ITCH: variants seen among roughly 807,000 people sequenced by gnomAD.
ITCH encodes E3 ubiquitin-protein ligase Itchy homolog.
In ITCH, 28 loss-of-function variants were observed where a neutral mutation model predicts 126.8. The observed-to-expected ratio is 0.22, with a 90% CI of 0.16 to 0.30. ITCH has a LOEUF of 0.30. ITCH is among the 10% of genes least tolerant of loss of function. The probability of loss-of-function intolerance (pLI) is 1.00; values close to 1 mark genes in which losing one functional copy is unlikely to be tolerated. For missense variants in ITCH, 631 were observed against 1,032.4 expected (o/e 0.61, Z 5.33); for synonymous variants, 342 against 340.0 (o/e 1.01, Z -0.06).
intron 23 of ITCH, among the ~76,000 whole-genome samples, chr20:34,502,174 C>T (rs1373328887): frequency 6.6e-6 from 1 of 152,146 alleles, no homozygotes; most frequent in East Asian, 1.9e-4. Context: ...AGAATCCTTT[C>T]TGTTACATAC....
intron 17 of ITCH, among the ~76,000 whole-genome samples, chr20:34,479,071 C>T (rs982371772): frequency 6.6e-6 from 1 of 152,110 alleles, no homozygotes; most frequent in Non-Finnish European, 1.5e-5. Context: ...CTTAGAGTCT[C>T]AGCATTTTTC....
At chr20:34,458,220 G>A (rs1986201435) in intron 13 of ITCH, among the ~76,000 whole-genome samples, 2 of 152,132 alleles carry the variant, frequency 1.3e-5, no homozygotes, top group Admixed American at 6.6e-5. Context: ...ATGCCTAGGA[G>A]TTTGCCATCA....
Position 34,492,339 on chromosome 20 carries a change from A to G in ITCH, c.2320-162A>G, listed in dbSNP as rs112854810. On this transcript the variant is annotated intron_variant, in intron 22 of 24. Transcript: ENST00000374864. The stretch of plus-strand genomic sequence containing the variant: ...TGCTGCCCAGGAGTTAGAGGCTGCA[A>G]TCAGCTATGATTGCATCACTGCACC... Among the ~76,000 whole-genome samples, 670 of 152,306 alleles carry G rather than the reference A, an allele frequency of 4.4e-3. 4 individuals are homozygous for G. Among genetic ancestry groups the G allele is most frequent in the African/African-American group, 0.015 (611 of 41,562 alleles).
At chr20:34,474,270 G>T (rs972978221) in intron 16 of ITCH, among the ~76,000 whole-genome samples, 1 of 152,134 alleles carries the variant, frequency 6.6e-6, no homozygotes, top group Admixed American at 6.5e-5. Flanking sequence ...ATAAACAAGT[G>T]AACAAAGGTC....
intron 3 of ITCH, among the ~76,000 whole-genome samples, chr20:34,398,605 G>C (rs1432329649): frequency 6.6e-6 from 1 of 151,074 alleles, no homozygotes; most frequent in Non-Finnish European, 1.5e-5. Flanking sequence ...CACCATGTTG[G>C]TCAGGCTGGT....
At position 34,509,949 on chromosome 20, in the gene ITCH, T is replaced by C. The variant is rs752661147; in HGVS notation, c.*2155T>C. The C allele has an allele frequency of 3.9e-4, 60 of 152,774 alleles. 1 individual carries two copies. The highest frequency in any genetic ancestry group is 7.8e-4 in the Non-Finnish European group (53 of 68,028). 9.5% of individuals were successfully genotyped at this position (152,774 alleles called of 1,614,324 possible). Reference sequence around the variant, plus strand: ...TCTATATAATGCTTCATGATTCATTTAGGGACCTAGAAATATTGTGTGAAA... The same window carrying C: ...TCTATATAATGCTTCATGATTCATTCAGGGACCTAGAAATATTGTGTGAAA... On this transcript the variant is annotated 3_prime_UTR_variant, in exon 25 of 25. Transcript: ENST00000374864.
intron 3 of ITCH, among the ~76,000 whole-genome samples, chr20:34,399,497 C>T (rs1166297393): frequency 1.3e-5 from 2 of 151,730 alleles, no homozygotes; most frequent in East Asian, 1.9e-4. Context: ...ACTAGAGTCA[C>T]TGGGAAAGAA....
chr20:34,493,243 A>G (rs1989640202), intron 23 of ITCH, among the ~76,000 whole-genome samples: 1 of 152,230 alleles, frequency 6.6e-6, no homozygotes, highest in South Asian at 2.1e-4. Flanking sequence ...ACTGAAGCAG[A>G]GAGTCAAAAT....
At chr20:34,433,656 C>CAAAAAAAAAAA (rs1158804192) in intron 7 of ITCH, among the ~76,000 whole-genome samples, 1 of 115,428 alleles carries the variant, frequency 8.7e-6, no homozygotes, top group Non-Finnish European at 1.8e-5. Context: ...AACAATGTCT[C>CAAAAAAAAAAA]AAAAAAAAAA....
chr20:34,467,708 G>A (rs1460429949), intron 14 of ITCH, among the ~76,000 whole-genome samples: 4 of 130,694 alleles, frequency 3.1e-5, no homozygotes, highest in African/African-American at 1.2e-4. Context: ...TTTTTGAGAC[G>A]GAGTTTCACT....
intron 3 of ITCH, among the ~76,000 whole-genome samples, chr20:34,394,988 T>G (rs2038622805): frequency 6.6e-6 from 1 of 151,808 alleles, no homozygotes; most frequent in South Asian, 2.1e-4. Flanking sequence ...TCCTAGCACT[T>G]TGGGAGGTCG....
chr20:34,424,480 G>T lies in ITCH; in HGVS notation c.476G>T (p.Ser159Ile). 1 of 1,612,596 alleles carries T rather than the reference G, an allele frequency of 6.2e-7. No homozygotes were observed. Residue 159 changes from serine (S) to isoleucine (I), a missense_variant and splice_region_variant, in exon 7 of 25, where the codon AGT (serine) becomes ATT (isoleucine). Physicochemically the swap from Ser to Ile is moderately radical, Grantham distance 142. Around this residue, in one of 4 missense-constraint regions of ITCH, gnomAD observed 220 missense variants for 265.7 expected, o/e 0.83. Transcript: ENST00000374864. ...TTCTGTTTAAACTTTGATGTTAAAG[G>T]TGCTTCTCAGAATGATGATGGCTCC... The part of the protein sequence containing the change: ...VTNGETTCSE[S>I]ASQNDDGSRS...
chr20:34,365,155 G>A (rs1056474098), intron 1 of ITCH, among the ~76,000 whole-genome samples: 16 of 151,744 alleles, frequency 1.1e-4, no homozygotes, highest in African/African-American at 3.9e-4. Flanking sequence ...AGCTGTTACC[G>A]TTGCCACTGC....
chr20:34,370,044 C>T (rs916075780), intron 2 of ITCH, among the ~76,000 whole-genome samples: 4 of 148,408 alleles, frequency 2.7e-5, no homozygotes, highest in Admixed American at 1.4e-4. Flanking sequence ...GTTGAGGCTG[C>T]AGTAAGCCAT....
At position 34,387,907 on chromosome 20, in the gene ITCH, G is replaced by T. The variant is rs553561822; in HGVS notation, c.-21-5884G>T. ...TTTAGTGGAGATAGGGTTTCACCATGTTGGACAGGATGGTCTTAATCTCTT... is the reference window on the plus strand; with the variant it reads ...TTTAGTGGAGATAGGGTTTCACCATTTTGGACAGGATGGTCTTAATCTCTT... On this transcript the variant is annotated intron_variant, in intron 2 of 24. Coordinates refer to ENST00000374864, the MANE Select transcript of ITCH (RefSeq NM_031483.7). Among the ~76,000 whole-genome samples the T allele has an allele frequency of 1.2e-4, 18 of 152,072 alleles. No homozygotes were observed. In the South Asian group the frequency reaches 3.5e-3, roughly 30 times the overall value.
chr20:34,485,050 T>C (rs866789572), intron 20 of ITCH, among the ~76,000 whole-genome samples: 34 of 152,384 alleles, frequency 2.2e-4, no homozygotes, highest in Middle Eastern at 6.8e-3. Context: ...TGTACTCTTA[T>C]ATCTAGCTTT....
intron 20 of ITCH, among the ~76,000 whole-genome samples, chr20:34,488,842 A>G (rs1024089654): frequency 1.3e-5 from 2 of 152,196 alleles, no homozygotes; most frequent in African/African-American, 2.4e-5. Context: ...ATTTAAAACC[A>G]GCCTTGGCAT....
At chr20:34,447,487 A>G (rs1984608263) in intron 11 of ITCH, among the ~76,000 whole-genome samples, 1 of 152,152 alleles carries the variant, frequency 6.6e-6, no homozygotes, top group African/African-American at 2.4e-5. Flanking sequence ...GCATACAGAA[A>G]CTGTCATACA....
At chr20:34,499,228 A>C (rs6059877) in intron 23 of ITCH, among the ~76,000 whole-genome samples, 106,126 of 141,454 alleles carry the variant, frequency 0.75, 40,392 homozygotes, top group African/African-American at 0.93. Flanking sequence ...CCCGCCTTGG[A>C]CTCCCAAAGT....
Sources: allele counts gnomAD v4.1 joint callset (sites outside exome capture counted in the v4.1 genomes callset), GRCh38; gene constraint gnomAD v4.1.1; regional missense constraint gnomAD v4.1.1; transcripts MANE v1.5; gene names NCBI Gene and HGNC (gene_info 2026-07-23, HGNC 2026-07-21).